Variants in PTPRF observed in about 807,000 individuals in gnomAD.
PTPRF encodes receptor-type tyrosine-protein phosphatase F.
Under a neutral mutation model 201.8 loss-of-function variants are expected in PTPRF, and 59 were observed. The observed-to-expected ratio is 0.29, with a 90% confidence interval of 0.24 to 0.36. The LOEUF (loss-of-function observed/expected upper bound fraction) is 0.36, where lower values mean the gene tolerates loss of function less well. Ranked by LOEUF, PTPRF falls within the 10% of genes least tolerant of loss-of-function variation. The probability of loss-of-function intolerance (pLI) is 1.00; values close to 1 mark genes in which losing one functional copy is unlikely to be tolerated. For synonymous variants in PTPRF, 1,088 were observed against 1,089.7 expected (o/e 1.00, Z 0.03); for missense variants, 2,132 against 2,690.5 (o/e 0.79, Z 4.59).
At chr1:43,569,854 T>G (rs1646449922) in intron 6 of PTPRF, 76 bp downstream of exon 6, 8 of 1,466,818 alleles carry the variant, frequency 5.5e-6, no homozygotes, top group African/African-American at 1.4e-5. Context: ...CACAGCCTAC[T>G]CCCTTGGGCC....
At chr1:43,587,550 G>A (rs1649470843) in intron 7 of PTPRF, among the ~76,000 whole-genome samples, 1 of 152,182 alleles carries the variant, frequency 6.6e-6, no homozygotes, top group Non-Finnish European at 1.5e-5. Context: ...TTGGGGCTGT[G>A]TGAGCAGCAT....
chr1:43,553,851 C>T lies in PTPRF; in HGVS notation c.289C>T (p.Arg97Trp), dbSNP rs752081368. 20 of 1,613,998 alleles carry T rather than the reference C, an allele frequency of 1.2e-5. No homozygotes were observed. Among genetic ancestry groups the T allele is most frequent in the South Asian group, 4.4e-5 (4 of 91,070 alleles). The change falls in exon 5 of 34, where the codon CGG becomes TGG. Residue 97 changes from arginine (R) to tryptophan (W), a missense_variant. Coordinates refer to ENST00000359947, the MANE Select transcript of PTPRF (RefSeq NM_002840.5). The surrounding 1 kb of genome is among the most constrained non-coding windows in gnomAD (Gnocchi z 4.1). ...AGSVLRIQPL[R>W]VQRDEAIYEC... ...GTCAGTGCTTCGGATCCAGCCATTG[C>T]GGGTGCAGCGAGATGAAGCCATCTA...
In PTPRF at chr1:43,618,639, G is replaced by C; in HGVS notation, c.4381G>C (p.Asp1461His). 6.2e-7 allele frequency: 1 copy of C among 1,602,488 alleles called. No individual in the cohort carries two copies. Among genetic ancestry groups the C allele is most frequent in the Non-Finnish European group, 8.5e-7 (1 of 1,170,534 alleles). The change falls in exon 26 of 34, where the codon GAT becomes CAT. Residue 1461 changes from aspartate (D) to histidine (H), a missense_variant. This residue lies in a region of PTPRF where 519 missense variants were observed against 659.5 expected (regional missense o/e 0.79). Coordinates refer to ENST00000359947, the MANE Select transcript of PTPRF (RefSeq NM_002840.5). ...RLEEKSRVKC[D>H]QYWPARGTET... ...GCTCATCCTCCTGCAGGTAAAATGT[G>C]ATCAGTACTGGCCAGCCCGTGGCAC...
At position 43,620,198 on chromosome 1, in the gene PTPRF, A is replaced by G. The variant is rs764519639; in HGVS notation, c.5215A>G (p.Thr1739Ala). The stretch of plus-strand genomic sequence containing the variant: ...CAATTCCACCATCATCGTCATGCTG[A>G]CCAAGCTTCGGGAGATGGGCAGGGT... The part of the protein sequence containing the change: ...EHNSTIIVML[T>A]KLREMGREKC... The change falls in exon 30 of 34, where the codon ACC becomes GCC. Residue 1739 changes from threonine (T) to alanine (A), a missense_variant. Transcript: ENST00000359947. 1.7e-5 allele frequency: 27 copies of G among 1,613,898 alleles called. No individual in the cohort carries two copies. The highest frequency in any genetic ancestry group is 2.1e-5 in the Non-Finnish European group (25 of 1,179,944).
rs758854692 is a variant in PTPRF, at chr1:43,606,338, C to A, written c.3582C>A (p.Leu1194=). 1 of 1,614,182 alleles carries A rather than the reference C, an allele frequency of 6.2e-7. No individual in the cohort carries two copies. Among genetic ancestry groups the A allele is most frequent in the South Asian group, 1.1e-5 (1 of 91,084 alleles). The part of the protein sequence containing the change: ...KPYVAAQLDV[L]PETFTLGDKK... ...ATGTGGCTGCTCAACTGGATGTGCT[C>A]CCGGAGACCTTTACCTTGGGGGACA... The change falls in exon 20 of 34, where the codon CTC becomes CTA. Residue 1194 remains leucine, a synonymous_variant. Coordinates refer to ENST00000359947, the MANE Select transcript of PTPRF (RefSeq NM_002840.5).
rs1035011584 is a variant in PTPRF, at chr1:43,622,976, G to A, written c.*973G>A. On this transcript the variant is annotated 3_prime_UTR_variant, in exon 34 of 34. Transcript: ENST00000359947. The stretch of plus-strand genomic sequence containing the variant: ...GCAACTCCGTGTGCCTGGGGTTCCC[G>A]AGGGAGCTGCTGGCTGACCTGGGCC... 6.6e-6 allele frequency: 1 copy of A among 152,502 alleles called. No homozygotes were observed. The highest frequency in any genetic ancestry group is 2.4e-5 in the African/African-American group (1 of 41,456). The allele number at this position is 152,502 out of a possible 1,614,324, so 9.4% of individuals were successfully genotyped here.
intron 7 of PTPRF, among the ~76,000 whole-genome samples, chr1:43,584,866 GA>G (rs1448778389): frequency 2.6e-5 from 4 of 152,226 alleles, no homozygotes; most frequent in African/African-American, 7.2e-5. Flanking sequence ...AGTGAATGCA[GA>G]TTGCGGGGCT....
Position 43,617,448 on chromosome 1 carries a change from A to G in PTPRF, c.4075A>G (p.Ile1359Val), listed in dbSNP as rs763667914. Residue 1359 changes from isoleucine to valine, a missense_variant, in exon 24 of 34, where the codon ATC (isoleucine) becomes GTC (valine). Around this residue, in one of 6 missense-constraint regions of PTPRF, gnomAD observed 818 missense variants for 915.3 expected, o/e 0.89. Coordinates refer to ENST00000359947, the MANE Select transcript of PTPRF (RefSeq NM_002840.5). The part of the protein sequence containing the change: ...GLKFSQEYES[I>V]DPGQQFTWEN... ...CCGCTTTCTCCATTCTCTGCAGTCC[A>G]TCGACCCTGGACAGCAGTTCACGTG... 1.2e-5 allele frequency: 19 copies of G among 1,613,998 alleles called. No homozygotes were observed. The highest frequency in any genetic ancestry group is 1.4e-5 in the Non-Finnish European group (17 of 1,180,010).
intron 20 of PTPRF, 78 bp downstream of exon 20, chr1:43,606,536 C>A (rs1655161909): frequency 7.3e-7 from 1 of 1,372,418 alleles, no homozygotes; most frequent in Non-Finnish European, 1.0e-6. Flanking sequence ...TCAAACACCA[C>A]AAGACCCCAG....
chr1:43,598,672 A>C (rs746265070), intron 12 of PTPRF, 48 bp from the exon 13 acceptor site: 4 of 1,561,828 alleles, frequency 2.6e-6, no homozygotes, highest in African/African-American at 1.4e-5. Context: ...CACCTGAGCT[A>C]GGGTTGATAC....
chr1:43,591,518 C>G lies in PTPRF; in HGVS notation c.1496C>G (p.Pro499Arg). 6.3e-7 allele frequency: 1 copy of G among 1,598,658 alleles called. No individual in the cohort carries two copies. The highest frequency in any genetic ancestry group is 8.5e-7 in the Non-Finnish European group (1 of 1,174,616). Reference protein sequence around the residue: ...LAFTAVGDGPPSPTIQVKTQQ... With the variant: ...LAFTAVGDGPRSPTIQVKTQQ... ...TTCACCGCCGTGGGCGATGGCCCTC[C>G]CAGCCCCACCATCCAGGTCAAGACG... The change falls in exon 9 of 34, where the codon CCC becomes CGC. Residue 499 changes from proline to arginine, a missense_variant. Around this residue, in one of 6 missense-constraint regions of PTPRF, gnomAD observed 351 missense variants for 401.7 expected, o/e 0.87. Transcript: ENST00000359947.
chr1:43,563,952 G>C (rs528518379), intron 5 of PTPRF, among the ~76,000 whole-genome samples: 1 of 152,302 alleles, frequency 6.6e-6, no homozygotes, highest in Non-Finnish European at 1.5e-5. Context: ...TGAGTAGGGC[G>C]ATGTGGGGTG....
At chr1:43,566,669 G>A (rs916317307) in intron 5 of PTPRF, among the ~76,000 whole-genome samples, 4 of 152,196 alleles carry the variant, frequency 2.6e-5, no homozygotes, top group South Asian at 2.1e-4. Context: ...GTTCAGAGGC[G>A]CCTGGATGGG....
intron 3 of PTPRF, among the ~76,000 whole-genome samples, 162 bp downstream of exon 3, chr1:43,545,328 C>T (rs1250524836): frequency 2.0e-5 from 3 of 152,152 alleles, no homozygotes; most frequent in Non-Finnish European, 4.4e-5. Context: ...GGAGAGCCTC[C>T]TTCTAAGGAA....
chr1:43,575,082 G>A (rs1010001152), intron 6 of PTPRF, among the ~76,000 whole-genome samples: 1 of 152,218 alleles, frequency 6.6e-6, no homozygotes, highest in Admixed American at 6.5e-5. Flanking sequence ...CCATCTGTGG[G>A]CTCCTCACTC....
At chr1:43,566,728 C>T (rs979684860) in intron 5 of PTPRF, among the ~76,000 whole-genome samples, 1 of 152,188 alleles carries the variant, frequency 6.6e-6, no homozygotes. Context: ...CTGGAGCCCT[C>T]CTGTAAGACC....
At chr1:43,598,659 G>T in intron 12 of PTPRF, 61 bp from the exon 13 acceptor site, 2 of 1,504,278 alleles carry the variant, frequency 1.3e-6, no homozygotes, top group Admixed American at 1.8e-5. Context: ...AGTTTGCTGT[G>T]CCCACCTGAG....
intron 7 of PTPRF, among the ~76,000 whole-genome samples, chr1:43,581,907 C>T (rs1212256596): frequency 2.0e-5 from 3 of 152,220 alleles, no homozygotes; most frequent in Non-Finnish European, 4.4e-5. Flanking sequence ...GAGGGGCCAT[C>T]CTGTGCATTG....
chr1:43,597,173 CTA>C (rs577113215), intron 11 of PTPRF, among the ~76,000 whole-genome samples: 267 of 152,146 alleles, frequency 1.8e-3, no homozygotes, highest in Non-Finnish European at 2.8e-3. Context: ...CTGTGAGACA[CTA>C]TGTGTATGTG....
Sources: gnomAD v4.1 joint callset for allele counts (sites outside exome capture counted in the v4.1 genomes callset) on GRCh38, gnomAD v4.1.1 for gene constraint, gnomAD v4.1.1 regional missense constraint, Gnocchi (gnomAD v3.1) non-coding constraint, MANE v1.5 for transcripts, NCBI Gene and HGNC (gene_info 2026-07-23, HGNC 2026-07-21) for gene names.